Variants in DTNB observed in about 807,000 individuals in gnomAD.
The protein encoded by DTNB is dystrobrevin beta.
In DTNB, 63 loss-of-function variants were observed where a neutral mutation model predicts 90.7. That is an observed-to-expected ratio of 0.69 (90% CI 0.57 to 0.86). The LOEUF (loss-of-function observed/expected upper bound fraction) is 0.86. Among genes scored for constraint, DTNB ranks in the 40% least tolerant of loss-of-function variants. The probability of loss-of-function intolerance (pLI) is 0.00; values close to 1 mark genes in which losing one functional copy is unlikely to be tolerated. For synonymous variants in DTNB, 277 were observed against 286.7 expected (o/e 0.97, Z 0.34); for missense variants, 744 against 807.1 (o/e 0.92, Z 0.95).
chr2:25,635,079 GA>G (rs1277851688), intron 3 of DTNB, among the ~76,000 whole-genome samples: 1,721 of 140,218 alleles, frequency 0.012, 15 homozygotes, highest in African/African-American at 0.022. Context: ...AATAAAAAAA[GA>G]AAAAAAAAAA....
intron 16 of DTNB, among the ~76,000 whole-genome samples, chr2:25,405,405 G>C (rs1487951429): frequency 6.6e-6 from 1 of 152,094 alleles, no homozygotes; most frequent in South Asian, 2.1e-4. Flanking sequence ...GCTGGTTGTG[G>C]CTGCGGGCAC....
chr2:25,391,270 A>C (rs1372491383), intron 16 of DTNB, among the ~76,000 whole-genome samples: 4 of 152,330 alleles, frequency 2.6e-5, no homozygotes, highest in Admixed American at 1.3e-4. Context: ...GAATATTATC[A>C]AAAGTAAAAC....
chr2:25,616,538 C>A (rs2148607995), intron 4 of DTNB, among the ~76,000 whole-genome samples: 1 of 149,404 alleles, frequency 6.7e-6, no homozygotes, highest in East Asian at 2.0e-4. Context: ...TTGTATTTTT[C>A]CATTCATTAA....
intron 5 of DTNB, among the ~76,000 whole-genome samples, chr2:25,603,912 G>T (rs978076464): frequency 6.6e-6 from 1 of 152,152 alleles, no homozygotes; most frequent in African/African-American, 2.4e-5. Context: ...AACTAAGTAG[G>T]ACATTGCTGA....
intron 9 of DTNB, among the ~76,000 whole-genome samples, chr2:25,527,877 AAAAG>A (rs1429337530): frequency 6.6e-6 from 1 of 152,188 alleles, no homozygotes; most frequent in East Asian, 1.9e-4. Context: ...CAAAAATATG[AAAAG>A]AGAGAATGCT....
chr2:25,383,944 A>G (rs2038689700), intron 18 of DTNB, 55 bp from the exon 19 acceptor site: 1 of 1,613,322 alleles, frequency 6.2e-7, no homozygotes, highest in South Asian at 1.1e-5. Flanking sequence ...ACAAGTACAG[A>G]AGGAGGGTGA....
chr2:25,656,228 G>C (rs754470218), intron 1 of DTNB, among the ~76,000 whole-genome samples: 3 of 152,142 alleles, frequency 2.0e-5, no homozygotes, highest in Non-Finnish European at 4.4e-5. Context: ...CCAAATTAAT[G>C]GGATACACAA....
At chr2:25,456,341 A>G (rs1440493403) in intron 10 of DTNB, among the ~76,000 whole-genome samples, 2 of 152,236 alleles carry the variant, frequency 1.3e-5, no homozygotes, top group Non-Finnish European at 1.5e-5. Context: ...TTGAGCCTGT[A>G]CATCTATCAG....
chr2:25,506,305 AAC>A (rs2072415828), intron 9 of DTNB, among the ~76,000 whole-genome samples: 1 of 152,212 alleles, frequency 6.6e-6, no homozygotes, highest in African/African-American at 2.4e-5. Context: ...AAATGTTCCC[AAC>A]ACACAGCAAT....
intron 2 of DTNB, among the ~76,000 whole-genome samples, chr2:25,652,364 A>T (rs2081114516): frequency 6.6e-6 from 1 of 152,154 alleles, no homozygotes; most frequent in Admixed American, 6.5e-5. Flanking sequence ...ATTCTAGGTA[A>T]CATTTCTGCC....
At chr2:25,613,340 T>C (rs868646496) in intron 4 of DTNB, among the ~76,000 whole-genome samples, 1 of 152,296 alleles carries the variant, frequency 6.6e-6, no homozygotes, top group Middle Eastern at 3.4e-3. Flanking sequence ...AATAATCCTA[T>C]CACCCAGGTA....
intron 16 of DTNB, among the ~76,000 whole-genome samples, chr2:25,399,109 C>T (rs1367376800): frequency 3.9e-5 from 6 of 152,256 alleles, no homozygotes; most frequent in Admixed American, 6.5e-5. Context: ...AGTGCAGTGG[C>T]GCGATCTCGG....
At chr2:25,452,056 G>A (rs1045735227) in intron 11 of DTNB, among the ~76,000 whole-genome samples, 1 of 152,216 alleles carries the variant, frequency 6.6e-6, no homozygotes, top group South Asian at 2.1e-4. Context: ...CTTAACACTG[G>A]CTAAGCAAAA....
chr2:25,622,740 T>C (rs904283747), intron 4 of DTNB, among the ~76,000 whole-genome samples: 4 of 152,040 alleles, frequency 2.6e-5, no homozygotes, highest in Non-Finnish European at 5.9e-5. Context: ...GGGATACAAC[T>C]ACTTAGAAAA....
At chr2:25,414,199 T>G (rs185399881) in intron 16 of DTNB, among the ~76,000 whole-genome samples, 7 of 152,286 alleles carry the variant, frequency 4.6e-5, no homozygotes, top group African/African-American at 1.7e-4. Context: ...ATGAGTAGAT[T>G]GCAAAAATTT....
At position 25,600,854 on chromosome 2, in the gene DTNB, G is replaced by A. The variant is rs369530089; in HGVS notation, c.449-4614C>T. 9.9e-5 allele frequency among the ~76,000 whole-genome samples: 15 copies of A among 152,152 alleles called. No individual in the cohort carries two copies. The East Asian group carries it at 1.9e-3, about 20-fold the overall frequency. ...TATTTCAGTTATACTTAGTTACTAC[G>A]TCATATGAATAGATTCAAAGTAATA... is the stretch of plus-strand genomic sequence containing the variant. On this transcript the variant is annotated intron_variant, in intron 5 of 20. Coordinates refer to ENST00000406818, the MANE Select transcript of DTNB (RefSeq NM_021907.5).
At chr2:25,616,948 AAAAAGG>A (rs1480082538) in intron 4 of DTNB, among the ~76,000 whole-genome samples, 60 of 131,666 alleles carry the variant, frequency 4.6e-4, no homozygotes, top group East Asian at 6.4e-4. Context: ...AAAAAAAAAA[AAAAAGG>A]AAAAAAAAGA....
At chr2:25,641,332 G>A (rs765669234) in intron 2 of DTNB, among the ~76,000 whole-genome samples, 4 of 152,284 alleles carry the variant, frequency 2.6e-5, no homozygotes, top group East Asian at 1.9e-4. Context: ...ATCATATTGT[G>A]CCAACATTCT....
At chr2:25,549,472 G>A (rs1207253717) in intron 8 of DTNB, among the ~76,000 whole-genome samples, 5 of 152,010 alleles carry the variant, frequency 3.3e-5, no homozygotes, top group Non-Finnish European at 7.4e-5. Context: ...ACAAGTTGGA[G>A]TTACATTTTA....
Sources: allele counts gnomAD v4.1 joint callset (sites outside exome capture counted in the v4.1 genomes callset), GRCh38; gene constraint gnomAD v4.1.1; transcripts MANE v1.5; gene names NCBI Gene and HGNC (gene_info 2026-07-23, HGNC 2026-07-21).